The following EYA2 variants were observed in gnomAD, a reference collection of about 807,000 sequenced individuals.
EYA2 encodes EYA transcriptional coactivator and phosphatase 2, also known as protein phosphatase EYA2.
Under a neutral mutation model 69.2 loss-of-function variants are expected in EYA2, and 31 were observed. That is an observed-to-expected ratio of 0.45 (90% confidence interval 0.34 to 0.60). The LOEUF (loss-of-function observed/expected upper bound fraction) is 0.60, where lower values mean the gene tolerates loss of function less well. Ranked by LOEUF, EYA2 falls within the 20% of genes least tolerant of loss-of-function variation. EYA2 has a pLI of 0.02. For synonymous variants in EYA2, 257 were observed against 279.4 expected (o/e 0.92, Z 0.80); for missense variants, 622 against 701.2 (o/e 0.89, Z 1.28).
At chr20:47,047,513 A>C (rs1344719682) in intron 5 of EYA2, among the ~76,000 whole-genome samples, 1 of 151,994 alleles carries the variant, frequency 6.6e-6, no homozygotes, top group Non-Finnish European at 1.5e-5. Context: ...CAGCCTCCCA[A>C]GTAGCCAGAA....
chr20:46,935,905 C>A (rs1228112130), intron 1 of EYA2, among the ~76,000 whole-genome samples: 1 of 152,066 alleles, frequency 6.6e-6, no homozygotes, highest in Non-Finnish European at 1.5e-5. Context: ...GATTGACCAT[C>A]TGCAATCTGA....
intron 12 of EYA2, among the ~76,000 whole-genome samples, chr20:47,177,639 C>T (rs979375068): frequency 6.6e-6 from 1 of 152,236 alleles, no homozygotes; most frequent in African/African-American, 2.4e-5. Flanking sequence ...GATGAGAGAG[C>T]TGGCGGTGTC....
chr20:47,005,594 G>A (rs1461196035), intron 4 of EYA2, among the ~76,000 whole-genome samples: 1 of 152,260 alleles, frequency 6.6e-6, no homozygotes, highest in Admixed American at 6.5e-5. Context: ...GTTGGGCCAT[G>A]TGGCAATGCT....
intron 5 of EYA2, among the ~76,000 whole-genome samples, chr20:47,056,159 A>G (rs377651977): frequency 2.0e-5 from 3 of 152,338 alleles, no homozygotes; most frequent in East Asian, 1.9e-4. Context: ...GATGTGGGCT[A>G]GACTCCACGT....
intron 2 of EYA2, among the ~76,000 whole-genome samples, chr20:46,991,926 C>T (rs8119868): frequency 0.26 from 37,053 of 141,778 alleles, 4,766 homozygotes; most frequent in South Asian, 0.29. Flanking sequence ...CGAGATCGTA[C>T]CATTGCACTC....
At chr20:46,968,713 C>CA (rs1000194825) in intron 1 of EYA2, among the ~76,000 whole-genome samples, 1 of 152,150 alleles carries the variant, frequency 6.6e-6, no homozygotes, top group African/African-American at 2.4e-5. Flanking sequence ...GCACCCTCCC[C>CA]ATTGGTGATA....
chr20:47,170,548 G>A (rs1205960307), intron 11 of EYA2, among the ~76,000 whole-genome samples: 6 of 151,958 alleles, frequency 3.9e-5, no homozygotes, highest in Non-Finnish European at 7.4e-5. Flanking sequence ...TTGGGAGGCT[G>A]AGGCAGGAGA....
chr20:47,005,035 C>T lies in EYA2; in HGVS notation c.249C>T (p.Pro83=). 1.2e-6 allele frequency: 2 copies of T among 1,613,946 alleles called. No homozygotes were observed. Among genetic ancestry groups the T allele is most frequent in the Non-Finnish European group, 1.7e-6 (2 of 1,179,906 alleles). Residue 83 remains proline, a synonymous_variant, in exon 4 of 16, where the codon CCC becomes CCT. Coordinates refer to ENST00000327619, the MANE Select transcript of EYA2 (RefSeq NM_005244.5). ...QYSAGIQQAT[P]YTAYPPPAQA... The stretch of plus-strand genomic sequence containing the variant: ...GTGCGGGGATCCAGCAGGCTACCCC[C>T]TATACAGCTTACCCACCTCCAGCAC...
intron 9 of EYA2, among the ~76,000 whole-genome samples, chr20:47,129,242 T>C (rs934158096): frequency 1.3e-5 from 2 of 152,266 alleles, no homozygotes; most frequent in South Asian, 4.1e-4. Context: ...CACAAAAAAT[T>C]ATAAATAAAT....
chr20:47,087,302 AAGAACTGGCAATT>A (rs1283941710), intron 7 of EYA2, among the ~76,000 whole-genome samples: 2 of 152,242 alleles, frequency 1.3e-5, no homozygotes, highest in Non-Finnish European at 2.9e-5. Flanking sequence ...CTGATGATCC[AAGAACTGGCAATT>A]AGGGCAGGAA....
intron 3 of EYA2, among the ~76,000 whole-genome samples, chr20:47,001,798 T>TA (rs1491180788): frequency 3.1e-5 from 4 of 129,078 alleles, no homozygotes; most frequent in Admixed American, 1.5e-4. Context: ...TTTTTTTTTT[T>TA]TTTATTCTTT....
At chr20:47,154,219 A>G (rs918538276) in intron 10 of EYA2, among the ~76,000 whole-genome samples, 8 of 151,974 alleles carry the variant, frequency 5.3e-5, no homozygotes, top group Non-Finnish European at 8.8e-5. Flanking sequence ...ATGCATGTAC[A>G]TGGAGAGAGA....
chr20:47,019,086 C>A (rs1366190944), intron 5 of EYA2, among the ~76,000 whole-genome samples: 1 of 152,182 alleles, frequency 6.6e-6, no homozygotes, highest in African/African-American at 2.4e-5. Context: ...GGGAAATGAG[C>A]CAGGCAGTCG....
At chr20:46,993,230 G>A (rs1324783279) in intron 2 of EYA2, among the ~76,000 whole-genome samples, 3 of 152,366 alleles carry the variant, frequency 2.0e-5, no homozygotes, top group Admixed American at 2.0e-4. Context: ...GAAACAGGGA[G>A]TGGACTTAGT....
intron 9 of EYA2, among the ~76,000 whole-genome samples, chr20:47,110,049 C>T (rs2032705106): frequency 6.6e-6 from 1 of 152,146 alleles, no homozygotes; most frequent in Non-Finnish European, 1.5e-5. Flanking sequence ...CTGTGACGAG[C>T]AACCTTTATG....
chr20:47,038,775 G>A (rs1264725374), intron 5 of EYA2, among the ~76,000 whole-genome samples: 1 of 152,066 alleles, frequency 6.6e-6, no homozygotes, highest in Non-Finnish European at 1.5e-5. Context: ...TTCCCCGCAC[G>A]TAGCCCCTGG....
intron 1 of EYA2, among the ~76,000 whole-genome samples, chr20:46,933,673 G>A (rs372873777): frequency 7.2e-5 from 11 of 152,354 alleles, no homozygotes; most frequent in African/African-American, 1.9e-4. Flanking sequence ...GAGGGAGGCC[G>A]ATGAGAAATG....
intron 5 of EYA2, among the ~76,000 whole-genome samples, chr20:47,049,778 A>G (rs2030230339): frequency 6.6e-6 from 1 of 151,766 alleles, no homozygotes; most frequent in South Asian, 2.1e-4. Flanking sequence ...GTGTTTCTTT[A>G]TAGCATGCAA....
intron 10 of EYA2, among the ~76,000 whole-genome samples, chr20:47,154,938 C>A (rs952250700): frequency 1.3e-5 from 2 of 151,358 alleles, no homozygotes; most frequent in African/African-American, 4.8e-5. Context: ...CTTCACCTCC[C>A]TGGTTCAAGC....
Sources: gnomAD v4.1 joint callset for allele counts (sites outside exome capture counted in the v4.1 genomes callset) on GRCh38, gnomAD v4.1.1 for gene constraint, MANE v1.5 for transcripts, NCBI Gene and HGNC (gene_info 2026-07-23, HGNC 2026-07-21) for gene names.